MRI1: variants seen among roughly 807,000 people sequenced by gnomAD.
MRI1 encodes the protein methylthioribose-1-phosphate isomerase.
A neutral mutation model predicts 27.3 loss-of-function variants in MRI1; 32 were observed. That is an observed-to-expected ratio of 1.17 (90% CI 0.88 to 1.57). The LOEUF (loss-of-function observed/expected upper bound fraction) is 1.57, where lower values mean the gene tolerates loss of function less well. Among genes scored for constraint, MRI1 ranks in the 40% most tolerant of loss-of-function variants. MRI1 has a pLI of 0.00. For synonymous variants in MRI1, 216 were observed against 227.4 expected (o/e 0.95, Z 0.45); for missense variants, 508 against 516.1 (o/e 0.98, Z 0.15).
chr19:13,766,011 T>A lies in MRI1; in HGVS notation c.429T>A (p.Ile143=), dbSNP rs758217248. The change falls in exon 3 of 6, where the codon ATT becomes ATA. Residue 143 remains isoleucine (I), a synonymous_variant. Coordinates refer to ENST00000040663, the MANE Select transcript of MRI1 (RefSeq NM_001031727.4). ...LEKDLRDNRS[I]GDLGARHLLE... ...AAGACCTCAGAGACAACCGAAGCAT[T>A]GGGGACCTAGGAGCCCGCCACCTCC... The A allele has an allele frequency of 1.2e-6, 2 of 1,613,044 alleles. No homozygotes were observed. Among genetic ancestry groups the A allele is most frequent in the African/African-American group, 2.7e-5 (2 of 74,946 alleles).
At chr19:13,766,742 T>C (rs2145193282) in intron 3 of MRI1, among the ~76,000 whole-genome samples, 1 of 152,052 alleles carries the variant, frequency 6.6e-6, no homozygotes, top group East Asian at 1.9e-4. Flanking sequence ...TTTGATTCAT[T>C]CACTCACCCA....
chr19:13,768,882 CACCT>C lies in MRI1; in HGVS notation c.787_790del (p.Tyr263SerfsTer42). On this transcript the variant is annotated frameshift_variant, in exon 5 of 6. Coordinates refer to ENST00000040663, the MANE Select transcript of MRI1 (RefSeq NM_001031727.4). LOFTEE classifies it high-confidence loss of function. The stretch of plus-strand genomic sequence containing the variant: ...ACGGCGACACAGCCAACAAGGTGGG[CACCT>C]ACCAGCTGGCCATTGTCGCCAAGCA... 1 of 1,613,850 alleles carries C rather than the reference CACCT, an allele frequency of 6.2e-7. No individual in the cohort carries two copies. The highest frequency in any genetic ancestry group is 8.5e-7 in the Non-Finnish European group (1 of 1,179,858).
rs139273361 is a variant in MRI1 at position 13,772,158 on chromosome 19, C to G, written c.987C>G (p.Pro329=). The G allele has an allele frequency of 9.2e-5, 149 of 1,614,002 alleles. No individual in the cohort carries two copies. Among genetic ancestry groups the G allele is most frequent in the Non-Finnish European group, 1.2e-4 (141 of 1,179,966 alleles). ...GVWNPAFDVT[P]HDLITGGIIT... ...GGAATCCTGCCTTCGATGTCACCCC[C>G]CACGACCTCATCACTGGTGGCATCA... is the stretch of plus-strand genomic sequence containing the variant. The change falls in exon 6 of 6, where the codon CCC becomes CCG. Residue 329 remains proline, a synonymous_variant. Coordinates refer to ENST00000040663, the MANE Select transcript of MRI1 (RefSeq NM_001031727.4).
rs1191370162 is a variant in MRI1, at chr19:13,773,817, C to T, written c.*1536C>T. ...GGATTACAGGAGCCTGGCACTATGC[C>T]TGGCTAATTTTTGTATTTTTATTGG... On this transcript the variant is annotated 3_prime_UTR_variant, in exon 6 of 6. Coordinates refer to ENST00000040663, the MANE Select transcript of MRI1 (RefSeq NM_001031727.4). 1.3e-5 allele frequency: 2 copies of T among 152,320 alleles called. No individual in the cohort carries two copies. Among genetic ancestry groups the T allele is most frequent in the African/African-American group, 2.4e-5 (1 of 41,458 alleles). The allele number at this position is 152,320 out of a possible 1,614,324, so 9.4% of individuals were successfully genotyped here. A position where few individuals can be genotyped will look rare whatever the true frequency, so the allele number is the denominator to read the frequency against.
intron 3 of MRI1, chr19:13,768,275 G>A (rs1437828481): frequency 1.3e-6 from 1 of 757,886 alleles, no homozygotes. Context: ...TAAGGACAGA[G>A]AGCAGGAAAC....
At position 13,766,035 on chromosome 19, in the gene MRI1, C is replaced by T. The variant is rs770138569; in HGVS notation, c.453C>T (p.Leu151=). The change falls in exon 3 of 6, where the codon CTC becomes CTT. Residue 151 remains leucine (L), a synonymous_variant. Transcript: ENST00000040663. ...TTGGGGACCTAGGAGCCCGCCACCTCCTGGAGCGGGTGGCCCCCAGCGGTG... is the reference window on the plus strand; with the variant it reads ...TTGGGGACCTAGGAGCCCGCCACCTTCTGGAGCGGGTGGCCCCCAGCGGTG... ...RSIGDLGARH[L]LERVAPSGGK... The T allele has an allele frequency of 1.9e-6, 3 of 1,613,154 alleles. No homozygotes were observed. The highest frequency in any genetic ancestry group is 2.2e-5 in the East Asian group (1 of 44,886).
chr19:13,772,398 G>T lies in MRI1; in HGVS notation c.*117G>T, dbSNP rs1599559306. 6 of 992,398 alleles carry T rather than the reference G, an allele frequency of 6.0e-6. No homozygotes were observed. In the East Asian group the frequency reaches 1.7e-4, roughly 27 times the overall value. 61.5% of individuals were successfully genotyped at this position (992,398 alleles called of 1,614,324 possible). On this transcript the variant is annotated 3_prime_UTR_variant, in exon 6 of 6. Coordinates refer to ENST00000040663, the MANE Select transcript of MRI1 (RefSeq NM_001031727.4). The stretch of plus-strand genomic sequence containing the variant: ...ACTTGTTCCTAGTGCAGGGAGCTCA[G>T]ACAGGGCCTTCCATCTAGAGCCCAG...
In MRI1 at chr19:13,765,048, G is replaced by A. The variant is rs375919540; in HGVS notation, c.310G>A (p.Ala104Thr). 1 of 1,523,668 alleles carries A rather than the reference G, an allele frequency of 6.6e-7. No individual in the cohort carries two copies. Among genetic ancestry groups the A allele is most frequent in the African/African-American group, 1.4e-5 (1 of 71,638 alleles). 94.4% of individuals were successfully genotyped at this position (1,523,668 alleles called of 1,614,324 possible). ...VNMARAARDL[A>T]DVAAREAERE... is the part of the protein sequence containing the mutation. ...CATGGCCCGCGCCGCCCGCGACCTG[G>A]CTGATGTTGCAGCCCGGGAGGCCGA... is the stretch of plus-strand genomic sequence containing the variant. The change falls in exon 2 of 6, where the codon GCT becomes ACT. Residue 104 changes from alanine (A) to threonine (T), a missense_variant. Coordinates refer to ENST00000040663, the MANE Select transcript of MRI1 (RefSeq NM_001031727.4).
intron 1 of MRI1, 22 bp from the exon 2 acceptor site, chr19:13,764,849 C>A (rs1974079537): frequency 6.9e-6 from 9 of 1,303,150 alleles, no homozygotes; most frequent in Non-Finnish European, 8.8e-6. Flanking sequence ...CAGCTTCCGA[C>A]GCCCAAATCC....
In MRI1 at chr19:13,772,275, G is replaced by C; in HGVS notation, c.1104G>C (p.Gln368His). The change falls in exon 6 of 6, where the codon CAG (glutamine) becomes CAC (histidine). Residue 368 changes from glutamine (Q) to histidine (H), a missense_variant. Transcript: ENST00000040663. ...SSRDGTLDGP[Q>H]M Reference sequence around the variant, plus strand: ...GGGATGGAACCCTAGATGGACCCCAGATGTAACCAACTCAGCTCTCCCTAG... The same window carrying C: ...GGGATGGAACCCTAGATGGACCCCACATGTAACCAACTCAGCTCTCCCTAG... 1 of 1,612,508 alleles carries C rather than the reference G, an allele frequency of 6.2e-7. No individual in the cohort carries two copies. The highest frequency in any genetic ancestry group is 1.1e-5 in the South Asian group (1 of 90,916).
At position 13,766,083 on chromosome 19, in the gene MRI1, C is replaced by G. The variant is rs1370414226; in HGVS notation, c.501C>G (p.His167Gln). The G allele has an allele frequency of 3.7e-6, 6 of 1,610,704 alleles. No homozygotes were observed. Among genetic ancestry groups the G allele is most frequent in the Non-Finnish European group, 5.1e-6 (6 of 1,178,354 alleles). The change falls in exon 3 of 6, where the codon CAC (histidine) becomes CAG (glutamine). Residue 167 changes from histidine (H) to glutamine (Q), a missense_variant. This residue lies in a region of MRI1 where 457 missense variants were observed against 452.8 expected (regional missense o/e 1.01). Coordinates refer to ENST00000040663, the MANE Select transcript of MRI1 (RefSeq NM_001031727.4). ...GTGGCAAGGTGACTGTGCTGACCCA[C>G]TGTAACACTGGTGCTCTGGCCACCG... ...PSGGKVTVLT[H>Q]CNTGALATAG...
intron 5 of MRI1, among the ~76,000 whole-genome samples, chr19:13,769,972 G>C (rs1974236063): frequency 6.6e-6 from 1 of 151,662 alleles, no homozygotes; most frequent in South Asian, 2.1e-4. Context: ...ATTTTTATTT[G>C]TTTATTTTCA....
chr19:13,769,752 T>C (rs1341166953), intron 5 of MRI1, among the ~76,000 whole-genome samples: 7 of 151,440 alleles, frequency 4.6e-5, no homozygotes, highest in Admixed American at 4.6e-4. Flanking sequence ...AAACCCCGTC[T>C]CTACTAAAAA....
At chr19:13,767,523 G>A (rs1451528090) in intron 3 of MRI1, among the ~76,000 whole-genome samples, 1 of 152,092 alleles carries the variant, frequency 6.6e-6, no homozygotes, top group Non-Finnish European at 1.5e-5. Flanking sequence ...AACACAGCAA[G>A]ACCCTGTCTC....
intron 3 of MRI1, chr19:13,768,351 T>G: frequency 7.3e-7 from 1 of 1,368,854 alleles, no homozygotes; most frequent in South Asian, 1.2e-5. Flanking sequence ...AAGGTGTCCT[T>G]TAAACAGACG....
In MRI1 at chr19:13,766,034, TCCTGGAGCGGGTGGCC is replaced by T; in HGVS notation, c.455_470del (p.Leu152ProfsTer6). 3 of 1,613,128 alleles carry T rather than the reference TCCTGGAGCGGGTGGCC, an allele frequency of 1.9e-6. No homozygotes were observed. The highest frequency in any genetic ancestry group is 2.5e-6 in the Non-Finnish European group (3 of 1,179,808). On this transcript the variant is annotated frameshift_variant, in exon 3 of 6. Transcript: ENST00000040663. LOFTEE classifies it high-confidence loss of function. ...ATTGGGGACCTAGGAGCCCGCCACC[TCCTGGAGCGGGTGGCC>T]CCCAGCGGTGGCAAGGTGACTGTGC...
intron 5 of MRI1, among the ~76,000 whole-genome samples, chr19:13,769,427 GC>G (rs1974223795): frequency 2.0e-5 from 3 of 151,970 alleles, no homozygotes; most frequent in Non-Finnish European, 4.4e-5. Context: ...GCCTCCCAAA[GC>G]GCTAGGATTA....
intron 5 of MRI1, among the ~76,000 whole-genome samples, chr19:13,771,589 C>T (rs1037054111): frequency 2.6e-5 from 4 of 151,230 alleles, no homozygotes; most frequent in East Asian, 2.0e-4. Context: ...GGGCCAGGTG[C>T]GGTGGCTCAC....
chr19:13,773,653 A>T lies in MRI1; in HGVS notation c.*1372A>T, dbSNP rs997697316. ...CTTTAAAAAAAAAAAAAAATCCATG[A>T]TGAACAAAACAAGTATTTGTTTGAG... On this transcript the variant is annotated 3_prime_UTR_variant, in exon 6 of 6. Transcript: ENST00000040663. The T allele has an allele frequency of 1.3e-4, 15 of 115,996 alleles. No individual in the cohort carries two copies. Among genetic ancestry groups the T allele is most frequent in the African/African-American group, 6.9e-4 (15 of 21,726 alleles). The allele number at this position is 115,996 out of a possible 1,614,324, so 7.2% of individuals were successfully genotyped here. A position where few individuals can be genotyped will look rare whatever the true frequency, so the allele number is the denominator to read the frequency against.
Sources: gnomAD v4.1 joint callset for allele counts (sites outside exome capture counted in the v4.1 genomes callset) on GRCh38, gnomAD v4.1.1 for gene constraint, gnomAD v4.1.1 regional missense constraint, MANE v1.5 for transcripts, NCBI Gene and HGNC (gene_info 2026-07-23, HGNC 2026-07-21) for gene names.